The following DOCK2 variants were observed in gnomAD, a reference collection of about 807,000 sequenced individuals.
The protein encoded by DOCK2 is dedicator of cytokinesis protein 2.
DOCK2 carries 87 observed loss-of-function variants against 248.9 expected under a neutral mutation model. That is an observed-to-expected ratio of 0.35 (90% CI 0.29 to 0.42). DOCK2 has a LOEUF of 0.42. Ranked by LOEUF, DOCK2 falls within the 10% of genes least tolerant of loss-of-function variation. The pLI is 1.00. For missense variants in DOCK2, 1,747 were observed against 2,300.2 expected, an observed-to-expected ratio of 0.76 and a Z score of 4.92; for synonymous variants, 805 against 821.6, an observed-to-expected ratio of 0.98 and a Z score of 0.35.
At chr5:169,950,978 G>A (rs191676749) in intron 27 of DOCK2, among the ~76,000 whole-genome samples, 10 of 152,272 alleles carry the variant, frequency 6.6e-5, no homozygotes, top group Non-Finnish European at 1.3e-4. Context: ...AAAATTGGGC[G>A]GTTGAATGTA....
At chr5:169,753,162 T>C (rs1482375100) in intron 23 of DOCK2, among the ~76,000 whole-genome samples, 1 of 152,258 alleles carries the variant, frequency 6.6e-6, no homozygotes, top group Non-Finnish European at 1.5e-5. Context: ...TATTGTTAGC[T>C]CAATTGATCT....
chr5:169,863,927 C>A (rs182459874), intron 27 of DOCK2, among the ~76,000 whole-genome samples: 119 of 152,258 alleles, frequency 7.8e-4, no homozygotes, highest in African/African-American at 2.7e-3. Context: ...GAAGGAAGTG[C>A]TTGGCATCTT....
chr5:169,789,442 ACTGCT>A (rs1766190034), intron 25 of DOCK2, among the ~76,000 whole-genome samples: 1 of 152,194 alleles, frequency 6.6e-6, no homozygotes, highest in African/African-American at 2.4e-5. Flanking sequence ...ATGTTTTCTT[ACTGCT>A]CCCATCAATT....
At chr5:170,031,800 G>A (rs564431812) in intron 34 of DOCK2, among the ~76,000 whole-genome samples, 4 of 152,242 alleles carry the variant, frequency 2.6e-5, no homozygotes, top group African/African-American at 9.6e-5. Context: ...CTTGCTCCAT[G>A]CATAAAGAAT....
intron 26 of DOCK2, among the ~76,000 whole-genome samples, chr5:169,823,097 A>G (rs1768579520): frequency 6.6e-6 from 1 of 152,232 alleles, no homozygotes; most frequent in Admixed American, 6.5e-5. Flanking sequence ...GAATAGACCA[A>G]TAACAGGCTC....
intron 27 of DOCK2, among the ~76,000 whole-genome samples, chr5:169,977,075 C>A (rs536488802): frequency 1.5e-4 from 23 of 152,298 alleles, no homozygotes; most frequent in Non-Finnish European, 1.2e-4. Flanking sequence ...AACTGGGGAA[C>A]TAAGTTTTCG....
intron 27 of DOCK2, among the ~76,000 whole-genome samples, chr5:169,853,151 C>G (rs757480585): frequency 6.6e-6 from 1 of 152,236 alleles, no homozygotes; most frequent in African/African-American, 2.4e-5. Context: ...TTGTCTGCCA[C>G]CATGTGAGAT....
chr5:169,930,309 C>A (rs1408668861), intron 27 of DOCK2, among the ~76,000 whole-genome samples: 1 of 152,132 alleles, frequency 6.6e-6, no homozygotes, highest in Non-Finnish European at 1.5e-5. Flanking sequence ...TTTAAATAAC[C>A]ACATATGGGT....
chr5:169,909,224 T>C (rs1774459164), intron 27 of DOCK2, among the ~76,000 whole-genome samples: 2 of 152,236 alleles, frequency 1.3e-5, no homozygotes, highest in Admixed American at 6.5e-5. Flanking sequence ...GCTATCTAAA[T>C]TTAAATTAAT....
At chr5:169,939,481 AAT>A (rs1268208053) in intron 27 of DOCK2, among the ~76,000 whole-genome samples, 2 of 152,234 alleles carry the variant, frequency 1.3e-5, no homozygotes, top group African/African-American at 4.8e-5. Flanking sequence ...TGTGATAAAA[AAT>A]ATGATATAGT....
intron 25 of DOCK2, among the ~76,000 whole-genome samples, chr5:169,778,195 A>AT (rs1204558787): frequency 1.3e-5 from 2 of 152,124 alleles, no homozygotes; most frequent in Non-Finnish European, 2.9e-5. Flanking sequence ...AGAACCATAT[A>AT]TCATTACCTT....
Position 170,009,822 on chromosome 5 carries a change from G to A in DOCK2, c.3232+1076G>A, listed in dbSNP as rs747551091. 2.6e-5 allele frequency among the ~76,000 whole-genome samples: 4 copies of A among 152,158 alleles called. 1 individual carries two copies. Among genetic ancestry groups the A allele is most frequent in the African/African-American group, 4.8e-5 (2 of 41,438 alleles). On this transcript the variant is annotated intron_variant, in intron 32 of 51. Coordinates refer to ENST00000520908, the MANE Select transcript of DOCK2 (RefSeq NM_004946.3). ...AGCAGTGGATAGATGATCAGTCTGC[G>A]TTCTGTGGTTGCTGATAGCATCAGA...
intron 41 of DOCK2, among the ~76,000 whole-genome samples, chr5:170,054,952 G>A (rs888198962): frequency 5.9e-5 from 9 of 152,194 alleles, no homozygotes; most frequent in Middle Eastern, 3.2e-3. Flanking sequence ...GAATTGAGGA[G>A]ATCAAATGAG....
At chr5:170,077,989 C>T in intron 48 of DOCK2, 152 bp downstream of exon 48, 1 of 681,148 alleles carries the variant, frequency 1.5e-6, no homozygotes, top group South Asian at 1.9e-5. Context: ...TCACAACTAC[C>T]CCAGGAGGCT....
chr5:170,057,778 G>A (rs1302965815), intron 44 of DOCK2, 112 bp downstream of exon 44: 2 of 924,242 alleles, frequency 2.2e-6, no homozygotes, highest in Non-Finnish European at 3.2e-6. Context: ...CTTTGAAGCT[G>A]CTGTGTGAGT....
intron 26 of DOCK2, among the ~76,000 whole-genome samples, chr5:169,814,448 G>A (rs1004187769): frequency 6.6e-6 from 1 of 152,218 alleles, no homozygotes; most frequent in Admixed American, 6.5e-5. Flanking sequence ...TGGATTCAAT[G>A]TGGGATCCTG....
At chr5:169,838,069 GA>G (rs1229053148) in intron 26 of DOCK2, among the ~76,000 whole-genome samples, 1 of 152,162 alleles carries the variant, frequency 6.6e-6, no homozygotes, top group Non-Finnish European at 1.5e-5. Context: ...AAATATAAGG[GA>G]GGGGGAATAC....
At chr5:169,900,406 C>T (rs376188946) in intron 27 of DOCK2, among the ~76,000 whole-genome samples, 5 of 152,140 alleles carry the variant, frequency 3.3e-5, no homozygotes, top group South Asian at 2.1e-4. Context: ...GTTTTTCCTT[C>T]CACATAAACT....
In DOCK2 at chr5:169,669,298, G is replaced by A. The variant is rs745945611; in HGVS notation, c.138G>A (p.Arg46=). The A allele has an allele frequency of 1.9e-6, 3 of 1,614,036 alleles. No individual in the cohort carries two copies. The highest frequency in any genetic ancestry group is 2.5e-6 in the Non-Finnish European group (3 of 1,179,974). Reference sequence around the variant, plus strand: ...GTTTTCTTTTTGCAGACTGGTATAGGGGATACCTCATAAAGCACAAAATGT... The same window carrying A: ...GTTTTCTTTTTGCAGACTGGTATAGAGGATACCTCATAAAGCACAAAATGT... ...RIQETCGDWY[R]GYLIKHKMLQ... The change falls in exon 3 of 52, where the codon AGG becomes AGA. Residue 46 remains arginine, a synonymous_variant. Coordinates refer to ENST00000520908, the MANE Select transcript of DOCK2 (RefSeq NM_004946.3).
Sources: gnomAD v4.1 joint callset for allele counts (sites outside exome capture counted in the v4.1 genomes callset) on GRCh38, gnomAD v4.1.1 for gene constraint, MANE v1.5 for transcripts, NCBI Gene and HGNC (gene_info 2026-07-23, HGNC 2026-07-21) for gene names.